Variants in ADGRV1 observed in about 807,000 individuals in gnomAD.
The protein encoded by ADGRV1 is adhesion G protein-coupled receptor V1, also known as G-protein coupled receptor 98.
In ADGRV1, 359 loss-of-function variants were observed where a neutral mutation model predicts 596.2. That is an observed-to-expected ratio of 0.60 (90% confidence interval 0.55 to 0.66). The LOEUF is 0.66. ADGRV1 is among the 30% of genes least tolerant of loss of function. The pLI, the probability that ADGRV1 is intolerant of heterozygous loss-of-function variation, is 0.00. For missense variants in ADGRV1, 7,274 were observed against 7,575.6 expected (o/e 0.96, Z 1.48); for synonymous variants, 2,681 against 2,679.2 (o/e 1.00, Z -0.02).
chr5:91,070,675 A>G (rs114337238), intron 85 of ADGRV1, among the ~76,000 whole-genome samples: 2,622 of 152,300 alleles, frequency 0.017, 66 homozygotes, highest in African/African-American at 0.058. Context: ...ATTTCTAGTT[A>G]TATCTCTAAA....
At chr5:90,870,185 C>A (rs1323069634) in intron 83 of ADGRV1, among the ~76,000 whole-genome samples, 1 of 152,080 alleles carries the variant, frequency 6.6e-6, no homozygotes, top group Non-Finnish European at 1.5e-5. Flanking sequence ...GGGTAGAGAA[C>A]CTGTGTATAT....
chr5:90,675,268 G>T lies in ADGRV1; in HGVS notation c.5136G>T (p.Leu1712=). ...GCTTGCTGCAGTTCTCCACAGGGCT[G>T]CCTCCTCAGCCTAAGGACGCAATGA... ...PYGLLQFSTG[L]PPQPKDAMTL... The change falls in exon 24 of 90, where the codon CTG becomes CTT. Residue 1712 remains leucine, a synonymous_variant. Transcript: ENST00000405460. The T allele has an allele frequency of 6.2e-7, 1 of 1,613,528 alleles. No homozygotes were observed. The highest frequency in any genetic ancestry group is 2.2e-5 in the East Asian group (1 of 44,866).
intron 10 of ADGRV1, among the ~76,000 whole-genome samples, chr5:90,636,409 TC>T (rs1277554417): frequency 6.6e-6 from 1 of 152,222 alleles, no homozygotes; most frequent in Non-Finnish European, 1.5e-5. Flanking sequence ...CAGAGAAGTT[TC>T]ATTTTTCAAG....
chr5:90,914,073 A>G (rs1388308797), intron 83 of ADGRV1, among the ~76,000 whole-genome samples: 1 of 152,172 alleles, frequency 6.6e-6, no homozygotes, highest in Non-Finnish European at 1.5e-5. Flanking sequence ...GCTGAATAAT[A>G]CAGTTTGAAT....
chr5:90,689,573 T>C (rs1198344072), intron 29 of ADGRV1, among the ~76,000 whole-genome samples: 2 of 152,088 alleles, frequency 1.3e-5, no homozygotes, highest in East Asian at 3.9e-4. Flanking sequence ...TAATGAATGA[T>C]TCTCTATTTA....
intron 83 of ADGRV1, among the ~76,000 whole-genome samples, chr5:90,876,062 T>C (rs139698306): frequency 6.6e-6 from 1 of 152,252 alleles, no homozygotes; most frequent in African/African-American, 2.4e-5. Flanking sequence ...CATGTTTAGG[T>C]CATGTTTATA....
chr5:90,833,770 G>C (rs1173334129), intron 77 of ADGRV1, among the ~76,000 whole-genome samples: 2 of 152,000 alleles, frequency 1.3e-5, no homozygotes, highest in Non-Finnish European at 2.9e-5. Context: ...TACTAAATTT[G>C]TTTATCAATT....
In ADGRV1 at chr5:90,807,562, G is replaced by T. The variant is rs767715204; in HGVS notation, c.14837-40G>T. 5.1e-5 allele frequency: 80 copies of T among 1,568,224 alleles called. 1 individual carries two copies. In the Admixed American group the frequency reaches 1.4e-3, roughly 28 times the overall value. On this transcript the variant is annotated intron_variant, in intron 72 of 89. Coordinates refer to ENST00000405460, the MANE Select transcript of ADGRV1 (RefSeq NM_032119.4). ...AAAGTCAAATCCCAATTTAAGAAAA[G>T]AAATAATACCCTACTTTGCTTTTTC...
intron 1 of ADGRV1, among the ~76,000 whole-genome samples, chr5:90,587,842 G>A (rs763628817): frequency 1.3e-5 from 2 of 152,136 alleles, no homozygotes; most frequent in African/African-American, 2.4e-5. Flanking sequence ...TTACAGGCAT[G>A]AGCCACTGTG....
At chr5:90,744,793 G>T (rs1754420935) in intron 50 of ADGRV1, among the ~76,000 whole-genome samples, 1 of 152,124 alleles carries the variant, frequency 6.6e-6, no homozygotes, top group Admixed American at 6.5e-5. Flanking sequence ...ATTAGTTTCG[G>T]TTTTAGCAGC....
At chr5:91,155,307 G>A (rs1796386694) in intron 89 of ADGRV1, among the ~76,000 whole-genome samples, 1 of 152,208 alleles carries the variant, frequency 6.6e-6, no homozygotes, top group South Asian at 2.1e-4. Flanking sequence ...TAGGGACTGA[G>A]GGAATAGAAT....
chr5:90,686,785 G>A (rs1239227897), intron 29 of ADGRV1, among the ~76,000 whole-genome samples: 13 of 152,088 alleles, frequency 8.5e-5, no homozygotes, highest in East Asian at 3.9e-4. Flanking sequence ...CTGAGGAATC[G>A]CCACGCTGAC....
intron 87 of ADGRV1, among the ~76,000 whole-genome samples, chr5:91,149,580 C>A (rs577699657): frequency 6.6e-6 from 1 of 151,876 alleles, no homozygotes; most frequent in African/African-American, 2.4e-5. Context: ...ACCTGTAATC[C>A]CAGCACTTTG....
intron 21 of ADGRV1, among the ~76,000 whole-genome samples, chr5:90,661,930 C>T (rs1430764121): frequency 6.6e-6 from 1 of 151,838 alleles, no homozygotes; most frequent in Non-Finnish European, 1.5e-5. Flanking sequence ...AAAGTGTTGC[C>T]CTTGGATGAC....
intron 76 of ADGRV1, among the ~76,000 whole-genome samples, chr5:90,824,426 T>C (rs1299495063): frequency 6.6e-6 from 1 of 152,236 alleles, no homozygotes; most frequent in East Asian, 1.9e-4. Context: ...TATAGGAAAG[T>C]TGATGCAGGC....
chr5:90,594,677 G>C (rs1229381143), intron 1 of ADGRV1, among the ~76,000 whole-genome samples: 1 of 149,146 alleles, frequency 6.7e-6, no homozygotes, highest in Non-Finnish European at 1.5e-5. Context: ...TTAGGGAGTG[G>C]TGATGACTCT....
At chr5:91,149,831 CAAAAAAAA>C (rs59523008) in intron 87 of ADGRV1, among the ~76,000 whole-genome samples, 191 bp from the exon 88 acceptor site, 2 of 85,896 alleles carry the variant, frequency 2.3e-5, no homozygotes, top group South Asian at 5.1e-4. Context: ...AACTCCAGCT[CAAAAAAAA>C]AAAAAAAAAA....
intron 87 of ADGRV1, among the ~76,000 whole-genome samples, chr5:91,137,012 T>G (rs1213424252): frequency 6.6e-6 from 1 of 152,256 alleles, no homozygotes; most frequent in Non-Finnish European, 1.5e-5. Flanking sequence ...AAAAATGTAC[T>G]TTTTAAAACA....
intron 50 of ADGRV1, among the ~76,000 whole-genome samples, chr5:90,744,114 A>G (rs886885444): frequency 6.6e-6 from 1 of 152,026 alleles, no homozygotes; most frequent in African/African-American, 2.4e-5. Flanking sequence ...TCAGCTTCCC[A>G]GGCAGCTGGG....
Sources: gnomAD v4.1 joint callset for allele counts (sites outside exome capture counted in the v4.1 genomes callset) on GRCh38, gnomAD v4.1.1 for gene constraint, MANE v1.5 for transcripts, NCBI Gene and HGNC (gene_info 2026-07-23, HGNC 2026-07-21) for gene names.